TSC2: variants seen among roughly 807,000 people sequenced by gnomAD.
TSC2 encodes the protein tuberin.
A neutral mutation model predicts 202.2 loss-of-function variants in TSC2; 29 were observed. The observed-to-expected ratio is 0.14, with a 90% confidence interval of 0.11 to 0.20. The LOEUF (loss-of-function observed/expected upper bound fraction) is 0.20, where lower values mean the gene tolerates loss of function less well. Ranked by LOEUF, TSC2 falls within the 10% of genes least tolerant of loss-of-function variation. TSC2 has a pLI of 1.00. For missense variants in TSC2, 2,429 were observed against 2,420.0 expected (o/e 1.00, Z -0.08); for synonymous variants, 1,349 against 1,044.0 (o/e 1.29, Z -5.63).
At chr16:2,076,232 C>T in intron 24 of TSC2, 62 bp downstream of exon 24, 5 of 1,608,270 alleles carry the variant, frequency 3.1e-6, no homozygotes, top group Non-Finnish European at 4.2e-6. Context: ...TTGCCCTTGG[C>T]TGTCCATGGT....
Position 2,055,497 on chromosome 16 carries a change from G to A in TSC2, c.577G>A (p.Glu193Lys), listed in dbSNP as rs45517112. 9.9e-6 allele frequency: 16 copies of A among 1,614,020 alleles called. No individual in the cohort carries two copies. Among genetic ancestry groups the A allele is most frequent in the African/African-American group, 4.0e-5 (3 of 74,922 alleles). ...CAAATTCAATAGCTGTTACCTCGAC[G>A]AGTACATCGCAAGGATGGTTCAGTA... is the stretch of plus-strand genomic sequence containing the variant. ...LVKFNSCYLDEYIARMVQMIC... is the reference protein window; with the variant it reads ...LVKFNSCYLDKYIARMVQMIC... Residue 193 changes from glutamate to lysine, a missense_variant, in exon 6 of 42, where the codon GAG becomes AAG. By Grantham distance (56) the Glu-to-Lys change is moderately conservative. Transcript: ENST00000219476.
chr16:2,083,572 G>T, intron 32 of TSC2, 123 bp from the exon 33 acceptor site: 1 of 1,503,748 alleles, frequency 6.7e-7, no homozygotes, highest in Non-Finnish European at 9.0e-7. Flanking sequence ...AGTAAGCAGA[G>T]CCCTGGGGAG....
In TSC2 at chr16:2,088,251, C is replaced by T. The variant is rs45517409; in HGVS notation, c.5185C>T (p.Arg1729Cys). The change falls in exon 41 of 42, where the codon CGC (arginine) becomes TGC (cysteine). Residue 1729 changes from arginine (R) to cysteine (C), a missense_variant. Arg to Cys is a radical substitution (Grantham distance 180, BLOSUM62 -3). Transcript: ENST00000219476. ...GATGGCCTCACAGGTGCATCATAGC[C>T]GCTCCAACCCCACCGATATCTACCC... ...ANMASQVHHS[R>C]SNPTDIYPSK... 9.7e-5 allele frequency: 156 copies of T among 1,603,280 alleles called. No homozygotes were observed. The highest frequency in any genetic ancestry group is 3.4e-4 in the East Asian group (15 of 44,400).
At chr16:2,074,532 C>A in intron 22 of TSC2, 143 bp downstream of exon 22, 1 of 1,053,466 alleles carries the variant, frequency 9.5e-7, no homozygotes, top group Non-Finnish European at 1.4e-6. Context: ...GGCGTCTCTG[C>A]CCGGCTGCCA....
chr16:2,081,891 C>A, intron 31 of TSC2, 93 bp downstream of exon 31: 1 of 1,518,608 alleles, frequency 6.6e-7, no homozygotes, highest in Non-Finnish European at 8.9e-7. Flanking sequence ...CTGAGGGCGC[C>A]CACACGGCTG....
chr16:2,088,881 G>GCGCACA lies in TSC2; in HGVS notation c.*272_*273insGCACAC, dbSNP rs142285430. The GCGCACA allele has an allele frequency of 0.081, 34,004 of 419,840 alleles. 2,630 individuals are homozygous for GCGCACA. Among genetic ancestry groups the GCGCACA allele is most frequent in the African/African-American group, 0.32 (14,103 of 44,296 alleles). The allele number at this position is 419,840 out of a possible 1,614,324, so 26.0% of individuals were successfully genotyped here. ...ACAGCACACTCGCGCGTGCGCGCGC[G>GCGCACA]CACACACACACACACACAGTCACCT... On this transcript the variant is annotated 3_prime_UTR_variant, in exon 42 of 42. Coordinates refer to ENST00000219476, the MANE Select transcript of TSC2 (RefSeq NM_000548.5).
chr16:2,081,284 G>A (rs770635403), intron 30 of TSC2: 29 of 438,332 alleles, frequency 6.6e-5, no homozygotes, highest in Non-Finnish European at 1.1e-4. Context: ...GCGCCTGGGT[G>A]TGCCGTGGCT....
At chr16:2,078,586 G>A (rs1005621188) in intron 26 of TSC2, 7 of 280,376 alleles carry the variant, frequency 2.5e-5, no homozygotes, top group Non-Finnish European at 4.9e-5. Flanking sequence ...GTGGAGCTCA[G>A]GCAGCCGCTC....
rs775826334 is a variant in TSC2, at chr16:2,076,027, C to T, written c.2640-41C>T. 2.5e-6 allele frequency: 4 copies of T among 1,613,560 alleles called. 1 individual carries two copies. The East Asian group carries it at 6.7e-5, about 27-fold the overall frequency. ...GCACTTCATGCCCTGGGGATGTTTCCCTGCTGCCAGGATGGAGTGCCAGCC... is the reference window on the plus strand; with the variant it reads ...GCACTTCATGCCCTGGGGATGTTTCTCTGCTGCCAGGATGGAGTGCCAGCC... On this transcript the variant is annotated intron_variant, in intron 23 of 41. Transcript: ENST00000219476.
chr16:2,058,128 C>G (rs1178662533), intron 9 of TSC2, among the ~76,000 whole-genome samples: 1 of 151,108 alleles, frequency 6.6e-6, no homozygotes, highest in Non-Finnish European at 1.5e-5. Context: ...TGCCTCAGCC[C>G]CTGCATCTCT....
intron 14 of TSC2, 126 bp downstream of exon 14, chr16:2,063,179 G>T: frequency 8.6e-7 from 1 of 1,164,218 alleles, no homozygotes; most frequent in South Asian, 1.3e-5. Flanking sequence ...CGGACCCTCT[G>T]CAGCCCCCAG....
rs1423798557 is a variant in TSC2 at position 2,048,611 on chromosome 16, C to T, written c.-5C>T. The T allele has an allele frequency of 1.9e-6, 3 of 1,613,762 alleles. No homozygotes were observed. The highest frequency in any genetic ancestry group is 2.2e-5 in the South Asian group (2 of 91,080). On this transcript the variant is annotated 5_prime_UTR_variant, in exon 2 of 42. Transcript: ENST00000219476. The stretch of plus-strand genomic sequence containing the variant: ...GAGGGGTTTTCTGGTGCGTCCTGGT[C>T]CACCATGGCCAAACCAACAAGCAAA...
At chr16:2,082,585 C>T (rs1179443571) in intron 32 of TSC2, 81 bp downstream of exon 32, 4 of 1,496,840 alleles carry the variant, frequency 2.7e-6, no homozygotes, top group South Asian at 1.1e-5. Flanking sequence ...CTCATCCGCC[C>T]ACCCCCATGG....
chr16:2,076,423 G>T, intron 24 of TSC2, 68 bp from the exon 25 acceptor site: 1 of 1,603,370 alleles, frequency 6.2e-7, no homozygotes, highest in Admixed American at 1.7e-5. Flanking sequence ...GGGGCACCCG[G>T]CAGGCCTGGT....
chr16:2,057,055 G>A, intron 8 of TSC2, 50 bp from the exon 9 acceptor site: 1 of 1,546,458 alleles, frequency 6.5e-7, no homozygotes. Context: ...GACTGGGGCT[G>A]GGGGCAGGGC....
intron 1 of TSC2, 98 bp from the exon 2 acceptor site, chr16:2,048,489 C>T: frequency 6.8e-7 from 1 of 1,474,242 alleles, no homozygotes; most frequent in East Asian, 2.3e-5. Flanking sequence ...AAGGTTATGC[C>T]CACCAGAGAC....
chr16:2,086,171 T>TGCCTCTCC (rs775469110), intron 36 of TSC2, 22 bp from the exon 37 acceptor site: 3 of 1,611,886 alleles, frequency 1.9e-6, no homozygotes, highest in Non-Finnish European at 2.5e-6. Context: ...GATGCCACCC[T>TGCCTCTCC]GCCTCTCCCC....
Position 2,062,406 on chromosome 16 carries a change from G to C in TSC2, c.1258-91G>C, listed in dbSNP as rs1331095898. 9 of 1,296,806 alleles carry C rather than the reference G, an allele frequency of 6.9e-6. No homozygotes were observed. The Admixed American group carries it at 1.8e-4, about 26-fold the overall frequency. 80.3% of individuals were successfully genotyped at this position (1,296,806 alleles called of 1,614,324 possible). On this transcript the variant is annotated intron_variant, in intron 12 of 41. Transcript: ENST00000219476. ...GCAGGCTGTGAGGCGGCTGGGCTCT[G>C]ACAGCAAACCAGCCTCTCGACCAGC... is the stretch of plus-strand genomic sequence containing the variant.
At position 2,088,323 on chromosome 16, in the gene TSC2, C is replaced by A. The variant is rs756358402; in HGVS notation, c.5257C>A (p.Arg1753=). 3.1e-6 allele frequency: 5 copies of A among 1,612,626 alleles called. No individual in the cohort carries two copies. The highest frequency in any genetic ancestry group is 3.4e-6 in the Non-Finnish European group (4 of 1,179,988). ...RLRHIKRLRQ[R]ICEEAAYSNP... is the part of the protein sequence containing the mutation. ...CCGCCACATCAAGCGGCTCCGCCAG[C>A]GGGTAGGGAATATGGGGCTCCCTCA... The change falls in exon 41 of 42, where the codon CGG becomes AGG. Residue 1753 remains arginine, a splice_region_variant and synonymous_variant. Transcript: ENST00000219476.
Sources: allele counts gnomAD v4.1 joint callset (sites outside exome capture counted in the v4.1 genomes callset), GRCh38; gene constraint gnomAD v4.1.1; transcripts MANE v1.5; gene names NCBI Gene and HGNC (gene_info 2026-07-23, HGNC 2026-07-21).